Variants in ANK2 observed in about 807,000 individuals in gnomAD.
ANK2 encodes ankyrin 2, also known as ankyrin-2.
ANK2 carries 83 observed loss-of-function variants against 360.5 expected under a neutral mutation model. That is an observed-to-expected ratio of 0.23 (90% CI 0.19 to 0.28). The LOEUF (loss-of-function observed/expected upper bound fraction) is 0.28, where lower values mean the gene tolerates loss of function less well. Among genes scored for constraint, ANK2 ranks in the 10% least tolerant of loss-of-function variants. The pLI is 1.00. For missense variants in ANK2, 4,201 were observed against 4,795.7 expected (o/e 0.88, Z 3.66); for synonymous variants, 1,740 against 1,759.5 (o/e 0.99, Z 0.28).
At chr4:113,308,259 T>C (rs2078198624) in intron 23 of ANK2, among the ~76,000 whole-genome samples, 1 of 152,224 alleles carries the variant, frequency 6.6e-6, no homozygotes, top group South Asian at 2.1e-4. Flanking sequence ...AAGGAAGTAG[T>C]CGTGCTATTT....
chr4:113,117,940 C>G (rs2094989377), intron 1 of ANK2, among the ~76,000 whole-genome samples: 1 of 152,142 alleles, frequency 6.6e-6, no homozygotes, highest in South Asian at 2.1e-4. Flanking sequence ...CTTAGTGAAG[C>G]TGCACTAAGA....
chr4:113,306,871 C>G (rs1273082394), intron 23 of ANK2, among the ~76,000 whole-genome samples: 1 of 152,108 alleles, frequency 6.6e-6, no homozygotes, highest in East Asian at 1.9e-4. Context: ...AGGAATATGG[C>G]AGCGAAATGC....
intron 1 of ANK2, among the ~76,000 whole-genome samples, chr4:113,173,349 CTTTG>C (rs2098064824): frequency 6.6e-6 from 1 of 152,030 alleles, no homozygotes; most frequent in Non-Finnish European, 1.5e-5. Flanking sequence ...TTGCCAAGTA[CTTTG>C]TTTGAGGGAG....
At chr4:113,227,184 G>A (rs549634311) in intron 4 of ANK2, among the ~76,000 whole-genome samples, 1 of 152,296 alleles carries the variant, frequency 6.6e-6, no homozygotes, top group South Asian at 2.1e-4. Context: ...ATACCAGTAA[G>A]TTAAGAGAGA....
intron 1 of ANK2, among the ~76,000 whole-genome samples, chr4:112,873,789 G>A: frequency 6.6e-6 from 1 of 151,456 alleles, no homozygotes; most frequent in Non-Finnish European, 1.5e-5. Flanking sequence ...TGATCCGCCT[G>A]CCTCAGCCTC....
chr4:113,232,702 A>C (rs2099324735), intron 5 of ANK2, among the ~76,000 whole-genome samples: 3 of 151,504 alleles, frequency 2.0e-5, no homozygotes, highest in Non-Finnish European at 4.4e-5. Flanking sequence ...TTAAAAAAAA[A>C]CCCTGTACCT....
At chr4:113,277,993 C>A in intron 16 of ANK2, 58 bp downstream of exon 16, 1 of 1,476,714 alleles carries the variant, frequency 6.8e-7, no homozygotes, top group Non-Finnish European at 9.4e-7. Context: ...ATTAGGAGAT[C>A]TGTAAAGACA....
Position 113,356,716 on chromosome 4 carries a change from G to A in ANK2, c.8098G>A (p.Asp2700Asn), listed in dbSNP as rs1275616940. The change falls in exon 38 of 46, where the codon GAC becomes AAC. Residue 2700 changes from aspartate to asparagine, a missense_variant. Asp to Asn is a conservative substitution (Grantham distance 23, BLOSUM62 1). Around this residue, in one of 4 missense-constraint regions of ANK2, gnomAD observed 2,642 missense variants for 2,714.5 expected, o/e 0.97. Coordinates refer to ENST00000357077, the MANE Select transcript of ANK2 (RefSeq NM_001148.6). ...QPPSPLPSSM[D>N]SNSSPEEVQF... is the part of the protein sequence containing the mutation. ...TCCTTCTCCACTTCCATCAAGCATG[G>A]ACTCCAATTCCAGTCCAGAAGAAGT... The A allele has an allele frequency of 6.2e-7, 1 of 1,614,118 alleles. No individual in the cohort carries two copies. The highest frequency in any genetic ancestry group is 1.7e-5 in the Admixed American group (1 of 60,020).
intron 9 of ANK2, among the ~76,000 whole-genome samples, chr4:113,245,808 T>C (rs532289024): frequency 6.9e-6 from 1 of 145,432 alleles, no homozygotes; most frequent in South Asian, 2.1e-4. Context: ...CATATGAAAA[T>C]TTTTTTTTTT....
intron 1 of ANK2, among the ~76,000 whole-genome samples, chr4:113,059,573 T>G (rs774259597): frequency 1.3e-5 from 2 of 152,094 alleles, no homozygotes; most frequent in African/African-American, 4.8e-5. Context: ...GGCATTCTTA[T>G]AGGTCATTCC....
chr4:112,956,712 T>C (rs1266126141), intron 2 of ANK2, among the ~76,000 whole-genome samples: 1 of 152,204 alleles, frequency 6.6e-6, no homozygotes, highest in African/African-American at 2.4e-5. Context: ...TGATTGATGG[T>C]AATAAATCAC....
intron 36 of ANK2, 125 bp downstream of exon 36, chr4:113,348,433 A>G: frequency 2.1e-6 from 2 of 969,310 alleles, no homozygotes; most frequent in Non-Finnish European, 1.6e-6. Flanking sequence ...AAGGGGCACA[A>G]TTTTACTTAA....
At chr4:112,723,327 G>A in the ANK2 span, among the ~76,000 whole-genome samples, 1 of 152,156 alleles carries the variant, frequency 6.6e-6, no homozygotes, top group African/African-American at 2.4e-5. Context: ...GATTATGGGT[G>A]CAAGCCACCA....
chr4:113,275,861 G>A (rs1437992643), intron 15 of ANK2, among the ~76,000 whole-genome samples: 1 of 149,872 alleles, frequency 6.7e-6, no homozygotes, highest in Admixed American at 6.7e-5. Flanking sequence ...GTCTGTCAAA[G>A]ATATTTAGGA....
At chr4:112,745,919 GC>G in the ANK2 span, among the ~76,000 whole-genome samples, 1 of 151,892 alleles carries the variant, frequency 6.6e-6, no homozygotes, top group Non-Finnish European at 1.5e-5. Flanking sequence ...CCCACTGGCT[GC>G]CCTTCCTGGT....
intron 2 of ANK2, among the ~76,000 whole-genome samples, chr4:112,958,958 C>T (rs999827189): frequency 6.6e-6 from 1 of 152,012 alleles, no homozygotes; most frequent in South Asian, 2.1e-4. Context: ...CAGCAATTCT[C>T]CTGCCTCAGC....
In ANK2 at chr4:113,028,427, A is replaced by G. The variant is rs77205692; in HGVS notation, c.21+123913A>G. 4.6e-4 allele frequency among the ~76,000 whole-genome samples: 70 copies of G among 152,318 alleles called. 1 individual carries two copies. The East Asian group carries it at 0.013, about 29-fold the overall frequency. ...CAACAAACACACATATTAAGCACCT[A>G]TGTTGTGCCAGGCACTGTGCTAGGC... On this transcript the variant is annotated intron_variant, in intron 2 of 30. Transcript: ENST00000503271.
At chr4:112,970,345 C>CTAAT (rs1323047334) in intron 2 of ANK2, among the ~76,000 whole-genome samples, 45 of 151,808 alleles carry the variant, frequency 3.0e-4, no homozygotes, top group African/African-American at 1.0e-3. Context: ...TTCATTTTAA[C>CTAAT]TAATTAATTA....
Position 113,383,270 on chromosome 4 carries a change from G to A in ANK2, c.*1799G>A, listed in dbSNP as rs144480929. On this transcript the variant is annotated 3_prime_UTR_variant, in exon 46 of 46. Transcript: ENST00000357077. ...TGTTGCCAAGAGAAAAAATTTCCTG[G>A]GAGGGAGGTTTCCCACAAGCCAAAT... 6.6e-3 allele frequency: 1,002 copies of A among 152,676 alleles called. 3 individuals are homozygous for A. Among genetic ancestry groups the A allele is most frequent in the Non-Finnish European group, 0.011 (756 of 68,016 alleles). The allele number at this position is 152,676 out of a possible 1,614,324, so 9.5% of individuals were successfully genotyped here.
Sources: allele counts gnomAD v4.1 joint callset (sites outside exome capture counted in the v4.1 genomes callset), GRCh38; gene constraint gnomAD v4.1.1; regional missense constraint gnomAD v4.1.1; transcripts MANE v1.5; gene names NCBI Gene and HGNC (gene_info 2026-07-23, HGNC 2026-07-21).